RTN1: variants seen among roughly 807,000 people sequenced by gnomAD.
RTN1 encodes the protein reticulon 1.
Under a neutral mutation model 65.5 loss-of-function variants are expected in RTN1, and 25 were observed. The observed-to-expected ratio is 0.38, with a 90% CI of 0.28 to 0.53. The LOEUF is 0.53. Ranked by LOEUF, RTN1 falls within the 20% of genes least tolerant of loss-of-function variation. The pLI, the probability that RTN1 is intolerant of heterozygous loss-of-function variation, is 0.79. For missense variants in RTN1, 983 were observed against 1,025.4 expected, an observed-to-expected ratio of 0.96 and a Z score of 0.57; for synonymous variants, 471 against 447.6, an observed-to-expected ratio of 1.05 and a Z score of -0.66.
At chr14:59,797,910 T>C (rs1466152893) in intron 1 of RTN1, among the ~76,000 whole-genome samples, 2 of 152,206 alleles carry the variant, frequency 1.3e-5, no homozygotes, top group African/African-American at 4.8e-5. Flanking sequence ...AGACTTTTAG[T>C]CAAATACGAG....
intron 3 of RTN1, among the ~76,000 whole-genome samples, chr14:59,613,320 A>G (rs1882010634): frequency 6.6e-6 from 1 of 152,152 alleles, no homozygotes. Flanking sequence ...ATTTTTTGAC[A>G]TGGTGTCTCA....
At chr14:59,732,034 A>G (rs114353154) in intron 2 of RTN1, among the ~76,000 whole-genome samples, 1,552 of 152,346 alleles carry the variant, frequency 0.01, 24 homozygotes, top group African/African-American at 0.035. Flanking sequence ...TTCTAGAGAA[A>G]CTTAGAGGAG....
At chr14:59,789,389 C>G (rs1437259534) in intron 1 of RTN1, among the ~76,000 whole-genome samples, 1 of 152,110 alleles carries the variant, frequency 6.6e-6, no homozygotes, top group African/African-American at 2.4e-5. Flanking sequence ...AAAGTTACTA[C>G]TTCCTTTTCT....
chr14:59,623,171 T>G (rs985379265), intron 3 of RTN1, among the ~76,000 whole-genome samples: 31 of 152,258 alleles, frequency 2.0e-4, no homozygotes, highest in African/African-American at 7.2e-4. Flanking sequence ...TATTCCCGAA[T>G]GACTCCTCCT....
rs966478253 is a variant in RTN1, at chr14:59,661,534, A to G, written c.1766-54042T>C. ...ACTGGCAAACCAAATCCAGCAGCAC[A>G]TCAAAAAGCTTATCCACCATGATCA... is the stretch of plus-strand genomic sequence containing the variant. On this transcript the variant is annotated intron_variant, in intron 3 of 8. Transcript: ENST00000267484. Among the ~76,000 whole-genome samples the G allele has an allele frequency of 2.0e-5, 3 of 152,216 alleles. No homozygotes were observed. The East Asian group carries it at 5.8e-4, about 29-fold the overall frequency.
At chr14:59,657,872 A>C (rs1244449003) in intron 3 of RTN1, among the ~76,000 whole-genome samples, 1 of 152,084 alleles carries the variant, frequency 6.6e-6, no homozygotes, top group African/African-American at 2.4e-5. Context: ...CCCCAGTGGC[A>C]CATGGGAAAC....
In RTN1 at chr14:59,705,947, C is replaced by T. The variant is rs116095479; in HGVS notation, c.1765+20972G>A. Among the ~76,000 whole-genome samples, 1,033 of 152,306 alleles carry T rather than the reference C, an allele frequency of 6.8e-3. 11 individuals are homozygous for T. The highest frequency in any genetic ancestry group is 0.024 in the African/African-American group (983 of 41,554). Reference sequence around the variant, plus strand: ...CTTCTCCTGCCTCCCCGTTCACCCCCAGCTTTTCCTTCCAAGGCACAGAAA... The same window carrying T: ...CTTCTCCTGCCTCCCCGTTCACCCCTAGCTTTTCCTTCCAAGGCACAGAAA... On this transcript the variant is annotated intron_variant, in intron 3 of 8. Coordinates refer to ENST00000267484, the MANE Select transcript of RTN1 (RefSeq NM_021136.3).
chr14:59,749,410 CTATATATATCTATA>C (rs1366242043), intron 1 of RTN1, among the ~76,000 whole-genome samples: 2 of 55,834 alleles, frequency 3.6e-5, no homozygotes, highest in East Asian at 9.2e-4. Context: ...ATATCTATAT[CTATATATATCTATA>C]TATCTATATA....
intron 3 of RTN1, among the ~76,000 whole-genome samples, chr14:59,631,617 C>T (rs1342244799): frequency 6.6e-6 from 1 of 152,136 alleles, no homozygotes; most frequent in Non-Finnish European, 1.5e-5. Flanking sequence ...TTACCATAAA[C>T]TACTTTATCA....
At chr14:59,647,634 A>T (rs1882929314) in intron 3 of RTN1, among the ~76,000 whole-genome samples, 1 of 151,876 alleles carries the variant, frequency 6.6e-6, no homozygotes, top group Admixed American at 6.6e-5. Context: ...GACTACAAAA[A>T]ACTCAAAACA....
chr14:59,803,678 G>A lies in RTN1; in HGVS notation c.242-57197C>T, dbSNP rs1028503371. Among the ~76,000 whole-genome samples, 1 of 152,168 alleles carries A rather than the reference G, an allele frequency of 6.6e-6. No individual in the cohort carries two copies. Among genetic ancestry groups the A allele is most frequent in the Non-Finnish European group, 1.5e-5 (1 of 68,026 alleles). On this transcript the variant is annotated intron_variant, in intron 1 of 8. Coordinates refer to ENST00000267484, the MANE Select transcript of RTN1 (RefSeq NM_021136.3). This position sits in a 1 kb window ranked among gnomAD's most constrained non-coding sequence, Gnocchi z 5.6. ...CATCCAGCTCTTTCTGCCTGGATAC[G>A]TTACACTTTGCTTTTCATTCTAAAC...
intron 1 of RTN1, among the ~76,000 whole-genome samples, chr14:59,835,223 T>C (rs557351560): frequency 2.6e-5 from 4 of 151,990 alleles, no homozygotes; most frequent in African/African-American, 9.6e-5. Flanking sequence ...TTCAAAATAA[T>C]TATGTGGAGT....
intron 2 of RTN1, among the ~76,000 whole-genome samples, chr14:59,735,534 T>C (rs984861363): frequency 6.6e-6 from 1 of 152,118 alleles, no homozygotes; most frequent in Non-Finnish European, 1.5e-5. Flanking sequence ...AATAAAGGGA[T>C]GCAGGAAAAT....
chr14:59,604,012 A>G, intron 5 of RTN1, 91 bp from the exon 6 acceptor site: 1 of 931,218 alleles, frequency 1.1e-6, no homozygotes, highest in East Asian at 2.6e-5. Context: ...TTTGAATTTG[A>G]GTCAGAATAC....
At chr14:59,630,809 G>T (rs967801273) in intron 3 of RTN1, 1 of 1,026,086 alleles carries the variant, frequency 9.7e-7, no homozygotes. Flanking sequence ...CGGGTAAAGC[G>T]GTTCTGGCCG....
At position 59,846,857 on chromosome 14, in the gene RTN1, G is replaced by A. The variant is rs555225855; in HGVS notation, c.241+23533C>T. ...CTCTCAGAGAAGCAGCCACTTTGAT[G>A]AGACTGATTTTGCTTGAGAACCAGG... On this transcript the variant is annotated intron_variant, in intron 1 of 8. Transcript: ENST00000267484. The surrounding 1 kb of genome is among the most constrained non-coding windows in gnomAD (Gnocchi z 4.8). 2.6e-5 allele frequency among the ~76,000 whole-genome samples: 4 copies of A among 152,246 alleles called. 1 individual carries two copies. Among genetic ancestry groups the A allele is most frequent in the African/African-American group, 9.6e-5 (4 of 41,542 alleles).
rs899349179 is a variant in RTN1, at chr14:59,829,149, G to A, written c.241+41241C>T. ...AAAGGCAACTACACAGCAATACACC[G>A]TTCATTAATTAACATTTTAAAGTGC... On this transcript the variant is annotated intron_variant, in intron 1 of 8. Coordinates refer to ENST00000267484, the MANE Select transcript of RTN1 (RefSeq NM_021136.3). The surrounding 1 kb of genome is among the most constrained non-coding windows in gnomAD (Gnocchi z 4.3). Among the ~76,000 whole-genome samples the A allele has an allele frequency of 1.3e-5, 2 of 152,106 alleles. No homozygotes were observed. Among genetic ancestry groups the A allele is most frequent in the Non-Finnish European group, 2.9e-5 (2 of 68,016 alleles).
chr14:59,867,761 TG>T (rs1405918491), intron 1 of RTN1, among the ~76,000 whole-genome samples: 1 of 152,204 alleles, frequency 6.6e-6, no homozygotes, highest in African/African-American at 2.4e-5. Context: ...AAACAAAATC[TG>T]TTTACAGTGC....
At position 59,642,376 on chromosome 14, in the gene RTN1, C is replaced by A. The variant is rs118184041; in HGVS notation, c.1766-34884G>T. On this transcript the variant is annotated intron_variant, in intron 3 of 8. Transcript: ENST00000267484. ...GCCTTTTATCAATTTTGAATAATGT[C>A]TCATATATATTTCTTCAAATATTCC... Among the ~76,000 whole-genome samples the A allele has an allele frequency of 5.3e-3, 814 of 152,180 alleles. 8 individuals carry two copies. Among genetic ancestry groups the A allele is most frequent in the Admixed American group, 6.2e-3 (95 of 15,292 alleles).
Sources: allele counts gnomAD v4.1 joint callset (sites outside exome capture counted in the v4.1 genomes callset), GRCh38; gene constraint gnomAD v4.1.1; non-coding constraint Gnocchi (gnomAD v3.1); transcripts MANE v1.5; gene names NCBI Gene and HGNC (gene_info 2026-07-23, HGNC 2026-07-21).